BMPER: variants seen among roughly 807,000 people sequenced by gnomAD.
BMPER encodes the protein BMP-binding endothelial regulator protein.
In BMPER, 45 loss-of-function variants were observed where a neutral mutation model predicts 87.3. The observed-to-expected ratio is 0.52, with a 90% confidence interval of 0.41 to 0.66. The LOEUF is 0.66. Ranked by LOEUF, BMPER falls within the 30% of genes least tolerant of loss-of-function variation. BMPER has a pLI of 0.00. For synonymous variants in BMPER, 326 were observed against 316.2 expected (o/e 1.03, Z -0.33); for missense variants, 784 against 867.5 (o/e 0.90, Z 1.21).
chr7:34,056,887 A>T (rs1788300774), intron 9 of BMPER, among the ~76,000 whole-genome samples: 1 of 152,172 alleles, frequency 6.6e-6, no homozygotes. Flanking sequence ...AAGTGCTGGG[A>T]TTACAGGCGT....
chr7:34,118,281 G>A (rs533523293), intron 13 of BMPER, among the ~76,000 whole-genome samples: 1 of 152,176 alleles, frequency 6.6e-6, no homozygotes, highest in African/African-American at 2.4e-5. Context: ...CTCCAGCCTG[G>A]GCAACAAGAG....
chr7:34,086,077 A>G lies in BMPER; in HGVS notation c.1730A>G (p.Tyr577Cys). Residue 577 changes from tyrosine (Y) to cysteine (C), a missense_variant, in exon 13 of 15, where the codon TAC (tyrosine) becomes TGC (cysteine). By Grantham distance (194) the Tyr-to-Cys change is radical. Transcript: ENST00000649409. Reference sequence around the variant, plus strand: ...CAGACCTGCCACTCGACTGTGGACTACGCCACTTTCTACCGGTAAGTACAG... The same window carrying G: ...CAGACCTGCCACTCGACTGTGGACTGCGCCACTTTCTACCGGTAAGTACAG... ...EFQTCHSTVDYATFYRSCVTD... is the reference protein window; with the variant it reads ...EFQTCHSTVDCATFYRSCVTD... 1 of 1,613,934 alleles carries G rather than the reference A, an allele frequency of 6.2e-7. No homozygotes were observed. Among genetic ancestry groups the G allele is most frequent in the Non-Finnish European group, 8.5e-7 (1 of 1,180,010 alleles).
intron 13 of BMPER, among the ~76,000 whole-genome samples, chr7:34,101,673 C>T (rs1789685819): frequency 6.6e-6 from 1 of 152,216 alleles, no homozygotes; most frequent in African/African-American, 2.4e-5. Context: ...TTCATCCCTG[C>T]TCTCTGATTC....
At position 34,155,672 on chromosome 7, in the gene BMPER, T is replaced by C. The variant is rs1007278455; in HGVS notation, c.*2399T>C. ...GGAGAGGGTGAGGAAATCAGCTGAA[T>C]GGTTGGCCTGCATATTCTTTTTTAG... On this transcript the variant is annotated 3_prime_UTR_variant, in exon 15 of 15. Transcript: ENST00000649409. The C allele has an allele frequency of 2.0e-5, 3 of 152,206 alleles. No homozygotes were observed. The highest frequency in any genetic ancestry group is 7.2e-5 in the African/African-American group (3 of 41,466). The allele number at this position is 152,206 out of a possible 1,614,324, so 9.4% of individuals were successfully genotyped here. A position where few individuals can be genotyped will look rare whatever the true frequency, so the allele number is the denominator to read the frequency against.
chr7:34,050,302 G>A (rs1788115008), intron 7 of BMPER, among the ~76,000 whole-genome samples: 1 of 152,178 alleles, frequency 6.6e-6, no homozygotes, highest in African/African-American at 2.4e-5. Context: ...GCCATTTTAT[G>A]AGTGAAGTCA....
At chr7:33,950,774 A>T (rs1785000886) in intron 3 of BMPER, among the ~76,000 whole-genome samples, 1 of 152,168 alleles carries the variant, frequency 6.6e-6, no homozygotes, top group South Asian at 2.1e-4. Flanking sequence ...AGGATTGCAC[A>T]AAGTAGGTGT....
At chr7:34,078,030 CA>C (rs917155667) in intron 11 of BMPER, among the ~76,000 whole-genome samples, 2 of 152,052 alleles carry the variant, frequency 1.3e-5, no homozygotes, top group African/African-American at 4.8e-5. Context: ...AAACCAACGC[CA>C]AGATTTGTTT....
intron 11 of BMPER, among the ~76,000 whole-genome samples, chr7:34,065,280 C>A (rs930641386): frequency 7.1e-6 from 1 of 141,138 alleles, no homozygotes; most frequent in African/African-American, 2.7e-5. Context: ...GATGTTACTG[C>A]GGAGTTTTCA....
chr7:33,939,279 C>T (rs920740690), intron 3 of BMPER, among the ~76,000 whole-genome samples: 10 of 152,142 alleles, frequency 6.6e-5, no homozygotes, highest in African/African-American at 2.4e-4. Context: ...ACCCTTTCCT[C>T]CTCTTATCTT....
intron 13 of BMPER, among the ~76,000 whole-genome samples, chr7:34,142,597 G>A (rs576670052): frequency 4.8e-4 from 73 of 152,282 alleles, no homozygotes; most frequent in African/African-American, 1.7e-3. Context: ...GACCTGAAAT[G>A]TTTGCTTTAT....
intron 6 of BMPER, among the ~76,000 whole-genome samples, chr7:34,024,384 A>ACTATATATATAT (rs1787293391): frequency 4.3e-5 from 1 of 23,430 alleles, no homozygotes; most frequent in African/African-American, 2.1e-4. Context: ...AAAAAAAAAC[A>ACTATATATATAT]ATATATATAT....
At chr7:33,973,050 C>T (rs561735222) in intron 5 of BMPER, among the ~76,000 whole-genome samples, 2 of 152,296 alleles carry the variant, frequency 1.3e-5, no homozygotes, top group South Asian at 4.1e-4. Flanking sequence ...TCAGTTTCTT[C>T]CCGAAGCAGA....
chr7:34,089,083 A>G (rs1036579549), intron 13 of BMPER, among the ~76,000 whole-genome samples: 3 of 152,216 alleles, frequency 2.0e-5, no homozygotes, highest in African/African-American at 7.2e-5. Flanking sequence ...GGTACATTTG[A>G]TATCATTGGT....
At chr7:33,933,920 C>G (rs1013395446) in intron 2 of BMPER, among the ~76,000 whole-genome samples, 1 of 152,148 alleles carries the variant, frequency 6.6e-6, no homozygotes, top group Admixed American at 6.5e-5. Context: ...AGATGGCGAT[C>G]ATTGGGAATT....
chr7:33,918,265 A>T (rs1585634082), intron 2 of BMPER, among the ~76,000 whole-genome samples: 1 of 152,324 alleles, frequency 6.6e-6, no homozygotes, highest in East Asian at 1.9e-4. Context: ...ATTCTTCGCC[A>T]TGTTGATTGC....
chr7:34,088,653 A>G (rs1562736148), intron 13 of BMPER, among the ~76,000 whole-genome samples: 1 of 152,174 alleles, frequency 6.6e-6, no homozygotes, highest in Non-Finnish European at 1.5e-5. Flanking sequence ...ACTGATACAC[A>G]GTAACTACCT....
At position 34,153,174 on chromosome 7, in the gene BMPER, T is replaced by C; in HGVS notation, c.1959T>C (p.Gly653=). The C allele has an allele frequency of 1.9e-6, 3 of 1,614,024 alleles. No homozygotes were observed. The highest frequency in any genetic ancestry group is 2.5e-6 in the Non-Finnish European group (3 of 1,179,916). ...IKTCDNWNEI[G]PCNKPCVAGC... ...CGTGTGACAACTGGAATGAAATTGG[T>C]CCATGCAACAAGCCGTGCGTTGCTG... is the stretch of plus-strand genomic sequence containing the variant. Residue 653 remains glycine, a synonymous_variant, in exon 15 of 15, where the codon GGT becomes GGC. Coordinates refer to ENST00000649409, the MANE Select transcript of BMPER (RefSeq NM_001365308.1).
At chr7:34,078,812 T>C in intron 11 of BMPER, 45 bp from the exon 12 acceptor site, 3 of 1,596,242 alleles carry the variant, frequency 1.9e-6, no homozygotes, top group Non-Finnish European at 2.6e-6. Flanking sequence ...CTGTGAATCC[T>C]TGGCTTGGTT....
At chr7:34,005,691 C>T (rs139485594) in intron 6 of BMPER, among the ~76,000 whole-genome samples, 72 of 152,074 alleles carry the variant, frequency 4.7e-4, no homozygotes, top group African/African-American at 1.3e-3. Flanking sequence ...AGGTGTGAGC[C>T]GCTGCTCTTG....
Sources: gnomAD v4.1 joint callset for allele counts (sites outside exome capture counted in the v4.1 genomes callset) on GRCh38, gnomAD v4.1.1 for gene constraint, MANE v1.5 for transcripts, NCBI Gene and HGNC (gene_info 2026-07-23, HGNC 2026-07-21) for gene names.